GPC3: variants seen among roughly 807,000 people sequenced by gnomAD.
GPC3 encodes the protein glypican-3.
In GPC3, 3 loss-of-function variants were observed where a neutral mutation model predicts 34.4. The observed-to-expected ratio is 0.09, with a 90% confidence interval of 0.04 to 0.23. The LOEUF is 0.23. GPC3 is among the 10% of genes least tolerant of loss of function. GPC3 has a pLI of 1.00. For missense variants in GPC3, 351 were observed against 445.6 expected, an observed-to-expected ratio of 0.79 and a Z score of 1.91; for synonymous variants, 177 against 174.0, an observed-to-expected ratio of 1.02 and a Z score of -0.13.
intron 1 of GPC3, among the ~76,000 whole-genome samples, chrX:133,956,457 T>C (rs2076416728): frequency 9.0e-6 from 1 of 111,701 alleles, no homozygotes; most frequent in Admixed American, 9.5e-5. Flanking sequence ...GAGTAGCTAA[T>C]CTAAATTTAA....
At chrX:133,740,283 G>C (rs748340925) in intron 3 of GPC3, among the ~76,000 whole-genome samples, 2 of 111,940 alleles carry the variant, frequency 1.8e-5, no homozygotes, top group East Asian at 5.6e-4. Flanking sequence ...AGATGTGTGA[G>C]GAAAACGTTT....
chrX:133,687,495 C>T (rs1048802188), intron 5 of GPC3, among the ~76,000 whole-genome samples: 8 of 101,059 alleles, frequency 7.9e-5, no homozygotes, highest in African/African-American at 2.9e-4. Flanking sequence ...GGGTTCTCAG[C>T]TCACTGCAAC....
At chrX:133,932,187 G>A (rs926183673) in intron 2 of GPC3, among the ~76,000 whole-genome samples, 2 of 112,347 alleles carry the variant, frequency 1.8e-5, no homozygotes, top group African/African-American at 6.5e-5. Context: ...AGAACTAAAT[G>A]GTAGACAGTA....
intron 5 of GPC3, among the ~76,000 whole-genome samples, chrX:133,663,417 G>C (rs2070742535): frequency 9.0e-6 from 1 of 111,470 alleles, no homozygotes; most frequent in Non-Finnish European, 1.9e-5. Flanking sequence ...GAGCCACCGA[G>C]CCTGGCCAAT....
intron 1 of GPC3, among the ~76,000 whole-genome samples, chrX:133,969,056 C>T (rs2076477585): frequency 9.3e-6 from 1 of 107,587 alleles, no homozygotes; most frequent in African/African-American, 3.4e-5. Flanking sequence ...TGTGTTTTTG[C>T]AACTGTGAGG....
chrX:133,788,693 C>T (rs2072131588), intron 2 of GPC3, among the ~76,000 whole-genome samples: 1 of 104,570 alleles, frequency 9.6e-6, no homozygotes, highest in Admixed American at 1.0e-4. Context: ...TCCCCCTCCT[C>T]CTCCCTCTCC....
intron 2 of GPC3, among the ~76,000 whole-genome samples, chrX:133,813,339 G>A (rs1246206668): frequency 8.9e-6 from 1 of 112,069 alleles, no homozygotes; most frequent in East Asian, 2.8e-4. Context: ...GAATATCCAC[G>A]TCTTATTTAT....
At chrX:133,609,035 T>C (rs1432890921) in intron 6 of GPC3, among the ~76,000 whole-genome samples, 1 of 111,784 alleles carries the variant, frequency 8.9e-6, no homozygotes, top group Non-Finnish European at 1.9e-5. Context: ...TATCTAATCA[T>C]ACACCTTTAC....
At chrX:133,907,490 T>C (rs1459507439) in intron 2 of GPC3, among the ~76,000 whole-genome samples, 1 of 111,066 alleles carries the variant, frequency 9.0e-6, no homozygotes, top group Non-Finnish European at 1.9e-5. Flanking sequence ...CACTGAAAAA[T>C]AGCTACTGTT....
chrX:133,600,864 T>C (rs1049905296), intron 6 of GPC3, among the ~76,000 whole-genome samples: 1 of 112,340 alleles, frequency 8.9e-6, no homozygotes, highest in Non-Finnish European at 1.9e-5. Flanking sequence ...CAGGTAACTT[T>C]AGGGGCCTAA....
chrX:133,855,321 C>T (rs1352115451), intron 2 of GPC3, among the ~76,000 whole-genome samples: 1 of 109,346 alleles, frequency 9.1e-6, no homozygotes, highest in Admixed American at 9.8e-5. Context: ...AGTTCCTACA[C>T]CCGACTAATT....
chrX:133,819,928 C>A (rs780833412), intron 2 of GPC3, among the ~76,000 whole-genome samples: 2 of 111,819 alleles, frequency 1.8e-5, no homozygotes, highest in Non-Finnish European at 3.8e-5. Flanking sequence ...TATATGGTTC[C>A]AAAATCTATT....
intron 2 of GPC3, among the ~76,000 whole-genome samples, chrX:133,893,333 G>A (rs995378108): frequency 8.9e-6 from 1 of 111,792 alleles, no homozygotes; most frequent in African/African-American, 3.2e-5. Context: ...AAGCCATTGC[G>A]CTGTGAGGTA....
At chrX:133,978,593 T>G (rs909730620) in intron 1 of GPC3, among the ~76,000 whole-genome samples, 4 of 111,723 alleles carry the variant, frequency 3.6e-5, no homozygotes, top group African/African-American at 1.3e-4. Flanking sequence ...AACAAATGGA[T>G]TTTTGACCTA....
At chrX:133,811,432 T>C (rs1285859186) in intron 2 of GPC3, among the ~76,000 whole-genome samples, 1 of 111,609 alleles carries the variant, frequency 9.0e-6, no homozygotes, top group Non-Finnish European at 1.9e-5. Flanking sequence ...TTTTTTGTTT[T>C]TTTGTTTTGT....
intron 7 of GPC3, among the ~76,000 whole-genome samples, chrX:133,556,954 A>G (rs926488267): frequency 9.1e-6 from 1 of 110,368 alleles, no homozygotes; most frequent in African/African-American, 3.3e-5. Context: ...TTTTTGAAAT[A>G]TCATCTTATA....
intron 2 of GPC3, among the ~76,000 whole-genome samples, chrX:133,854,818 A>G (rs1314933669): frequency 8.9e-6 from 1 of 112,372 alleles, no homozygotes; most frequent in Non-Finnish European, 1.9e-5. Flanking sequence ...GCTAGTGAAA[A>G]TAAGAAATAA....
chrX:133,913,891 G>C (rs1026922670), intron 2 of GPC3, among the ~76,000 whole-genome samples: 13 of 108,530 alleles, frequency 1.2e-4, no homozygotes, highest in African/African-American at 4.4e-4. Flanking sequence ...TCTTTAGGGA[G>C]CATAACCCAA....
At chrX:133,985,202 G>C (rs1232859223) in intron 1 of GPC3, 73 bp downstream of exon 1, 1 of 1,104,264 alleles carries the variant, frequency 9.1e-7, no homozygotes, top group African/African-American at 1.8e-5. Context: ...GGGCTAGCGC[G>C]CTCAGGGTAC....
Sources: allele counts gnomAD v4.1 joint callset (sites outside exome capture counted in the v4.1 genomes callset), GRCh38; gene constraint gnomAD v4.1.1; transcripts MANE v1.5; gene names NCBI Gene and HGNC (gene_info 2026-07-23, HGNC 2026-07-21).